Variants in EZH2 observed in about 807,000 individuals in gnomAD.
The protein encoded by EZH2 is histone-lysine N-methyltransferase EZH2.
EZH2 carries 18 observed loss-of-function variants against 98.4 expected under a neutral mutation model. That is an observed-to-expected ratio of 0.18 (90% CI 0.13 to 0.27). The LOEUF (loss-of-function observed/expected upper bound fraction) is 0.27. EZH2 is among the 10% of genes least tolerant of loss of function. EZH2 has a pLI of 1.00. For synonymous variants in EZH2, 338 were observed against 312.3 expected (o/e 1.08, Z -0.87); for missense variants, 470 against 935.1 (o/e 0.50, Z 6.49).
intron 3 of EZH2, among the ~76,000 whole-genome samples, chr7:148,841,530 T>C (rs3807451): frequency 0.75 from 114,724 of 152,110 alleles, 44,306 homozygotes; most frequent in African/African-American, 0.94. Flanking sequence ...CCACTTAATT[T>C]AAAGACATGA....
intron 3 of EZH2, among the ~76,000 whole-genome samples, chr7:148,842,245 T>C (rs1812649241): frequency 6.6e-6 from 1 of 152,206 alleles, no homozygotes; most frequent in African/African-American, 2.4e-5. Flanking sequence ...CTTTCAGTCA[T>C]AACACATACA....
intron 3 of EZH2, among the ~76,000 whole-genome samples, chr7:148,845,005 G>C (rs1313308244): frequency 1.3e-5 from 2 of 151,874 alleles, no homozygotes; most frequent in Non-Finnish European, 2.9e-5. Context: ...AAGATTAAAA[G>C]AGGTAATGTG....
At chr7:148,823,303 G>A (rs779122620) in intron 8 of EZH2, among the ~76,000 whole-genome samples, 5 of 152,142 alleles carry the variant, frequency 3.3e-5, no homozygotes, top group East Asian at 1.9e-4. Context: ...CTGTGGCATC[G>A]TTACAGCATA....
intron 14 of EZH2, 122 bp from the exon 15 acceptor site, chr7:148,814,259 C>A (rs781776583): frequency 4.2e-4 from 337 of 809,326 alleles, no homozygotes; most frequent in Non-Finnish European, 6.1e-4. Flanking sequence ...CACCTTATTA[C>A]CCTACTATAT....
At chr7:148,864,899 G>T (rs1818216253) in intron 1 of EZH2, among the ~76,000 whole-genome samples, 1 of 152,014 alleles carries the variant, frequency 6.6e-6, no homozygotes, top group South Asian at 2.1e-4. Flanking sequence ...GGCCAAGGCG[G>T]GCGAATCACC....
rs1023883501 is a variant in EZH2 at position 148,839,645 on chromosome 7, A to C, written c.246+6825T>G. On this transcript the variant is annotated intron_variant, in intron 3 of 19. Transcript: ENST00000320356. ...CTGAAACCTCTGCCTCCTGGGTTCA[A>C]GGCATTCTCCTGCCTCAGCCTCCCA... 6.6e-5 allele frequency among the ~76,000 whole-genome samples: 10 copies of C among 152,130 alleles called. No homozygotes were observed. In the South Asian group the frequency reaches 1.7e-3, roughly 25 times the overall value.
chr7:148,847,875 T>C (rs1370799500), intron 1 of EZH2, among the ~76,000 whole-genome samples: 1 of 152,242 alleles, frequency 6.6e-6, no homozygotes, highest in Non-Finnish European at 1.5e-5. Flanking sequence ...TTTTTGCCTC[T>C]TGTGCCACCT....
At chr7:148,873,091 G>T (rs1030658083) in intron 1 of EZH2, among the ~76,000 whole-genome samples, 1 of 152,064 alleles carries the variant, frequency 6.6e-6, no homozygotes, top group Non-Finnish European at 1.5e-5. Context: ...GCTGAGATGG[G>T]AAGATCCCCT....
At chr7:148,873,158 G>A (rs1819656654) in intron 1 of EZH2, among the ~76,000 whole-genome samples, 1 of 151,990 alleles carries the variant, frequency 6.6e-6, no homozygotes, top group Non-Finnish European at 1.5e-5. Context: ...ACTCCAGCCT[G>A]GGCAACAGAG....
chr7:148,850,119 C>T (rs747072565), intron 1 of EZH2, among the ~76,000 whole-genome samples: 4 of 152,022 alleles, frequency 2.6e-5, no homozygotes, highest in Non-Finnish European at 5.9e-5. Flanking sequence ...CCCGGGTTCA[C>T]GCCATTCTCC....
chr7:148,809,415 C>G (rs750400078), intron 17 of EZH2, 25 bp from the exon 18 acceptor site: 1 of 1,551,960 alleles, frequency 6.4e-7, no homozygotes, highest in Non-Finnish European at 8.9e-7. Context: ...GTAAGCACAG[C>G]CCAGTGAATA....
chr7:148,817,093 A>C, intron 11 of EZH2, 129 bp downstream of exon 11: 1 of 905,214 alleles, frequency 1.1e-6, no homozygotes, highest in South Asian at 2.2e-5. Flanking sequence ...TTGGGAAGAA[A>C]AAAAAATTAT....
chr7:148,874,488 T>A (rs1056945011), intron 1 of EZH2, among the ~76,000 whole-genome samples: 15 of 152,122 alleles, frequency 9.9e-5, no homozygotes, highest in African/African-American at 3.6e-4. Context: ...CCTTCAGGAA[T>A]TTCTTAACTT....
At chr7:148,820,805 C>A (rs997501706) in intron 8 of EZH2, among the ~76,000 whole-genome samples, 1 of 152,034 alleles carries the variant, frequency 6.6e-6, no homozygotes, top group Non-Finnish European at 1.5e-5. Flanking sequence ...AAAAAAGTGA[C>A]AATGAAATAT....
intron 1 of EZH2, among the ~76,000 whole-genome samples, chr7:148,867,405 C>T (rs574493046): frequency 6.6e-6 from 1 of 152,132 alleles, no homozygotes; most frequent in South Asian, 2.1e-4. Flanking sequence ...CAGATGAAGA[C>T]AATTTGTTTT....
chr7:148,855,084 G>A (rs534033248), intron 1 of EZH2, among the ~76,000 whole-genome samples: 1 of 152,202 alleles, frequency 6.6e-6, no homozygotes, highest in Non-Finnish European at 1.5e-5. Flanking sequence ...CCATGCACTG[G>A]GCACTAGAAT....
intron 19 of EZH2, 43 bp downstream of exon 19, chr7:148,809,028 G>C (rs377631594): frequency 6.6e-7 from 1 of 1,522,182 alleles, no homozygotes; most frequent in Non-Finnish European, 9.1e-7. Flanking sequence ...CAATCCAGTA[G>C]AAAAAGCCCT....
intron 1 of EZH2, chr7:148,876,168 T>A (rs1820135652): frequency 6.6e-6 from 1 of 151,926 alleles, no homozygotes; most frequent in South Asian, 2.1e-4. Context: ...ACGCCTGTAA[T>A]CCCAGCTACT....
At position 148,863,895 on chromosome 7, in the gene EZH2, G is replaced by A. The variant is rs190917139; in HGVS notation, c.-7-16590C>T. ...CTATCGAAATGTGGAAAATACAACA[G>A]GTTTTAGTGCCTTCACTACAGTGGA... On this transcript the variant is annotated intron_variant, in intron 1 of 19. Transcript: ENST00000320356. Among the ~76,000 whole-genome samples, 537 of 152,296 alleles carry A rather than the reference G, an allele frequency of 3.5e-3. 1 individual carries two copies. Among genetic ancestry groups the A allele is most frequent in the Non-Finnish European group, 6.3e-3 (428 of 68,032 alleles).
Sources: allele counts gnomAD v4.1 joint callset (sites outside exome capture counted in the v4.1 genomes callset), GRCh38; gene constraint gnomAD v4.1.1; transcripts MANE v1.5; gene names NCBI Gene and HGNC (gene_info 2026-07-23, HGNC 2026-07-21).